FLT4: variants seen among roughly 807,000 people sequenced by gnomAD.
The protein encoded by FLT4 is vascular endothelial growth factor receptor 3.
In FLT4, 30 loss-of-function variants were observed where a neutral mutation model predicts 163.2. The observed-to-expected ratio is 0.18, with a 90% CI of 0.14 to 0.25. The LOEUF is 0.25. FLT4 is among the 10% of genes least tolerant of loss of function. FLT4 has a pLI of 1.00. For missense variants in FLT4, 1,510 were observed against 1,863.8 expected, an observed-to-expected ratio of 0.81 and a Z score of 3.50; for synonymous variants, 884 against 789.5, an observed-to-expected ratio of 1.12 and a Z score of -2.01.
intron 1 of FLT4, among the ~76,000 whole-genome samples, chr5:180,632,371 C>T (rs1385289151): frequency 6.6e-6 from 1 of 151,872 alleles, no homozygotes; most frequent in East Asian, 1.9e-4. Context: ...CAGCTTCTCG[C>T]ACCCTCACAG....
At chr5:180,609,866 TGAGCC>T in intron 28 of FLT4, 34 bp downstream of exon 28, 1 of 1,611,992 alleles carries the variant, frequency 6.2e-7, no homozygotes, top group Non-Finnish European at 8.5e-7. Flanking sequence ...GCCCCAGCCC[TGAGCC>T]GAGAGCGCAG....
At chr5:180,638,256 G>A (rs375750179) in intron 1 of FLT4, among the ~76,000 whole-genome samples, 2 of 152,120 alleles carry the variant, frequency 1.3e-5, no homozygotes, top group African/African-American at 4.8e-5. Context: ...CAGACAACCC[G>A]CAGTCTACGT....
chr5:180,647,453 G>A (rs186037925), intron 1 of FLT4, among the ~76,000 whole-genome samples: 79 of 152,222 alleles, frequency 5.2e-4, no homozygotes, highest in African/African-American at 1.8e-3. Context: ...AGGACTTTAC[G>A]GCAGAGGCAG....
chr5:180,606,884 C>T (rs1262222958), intron 29 of FLT4, among the ~76,000 whole-genome samples: 3 of 130,016 alleles, frequency 2.3e-5, no homozygotes, highest in South Asian at 2.8e-4. Context: ...GGCGAAACCC[C>T]GTCTCTACTA....
At position 180,601,898 on chromosome 5, in the gene FLT4, T is replaced by G. The variant is rs1349826238; in HGVS notation, c.*1294A>C. Reference sequence around the variant, plus strand: ...GCGCGGCGCCTGTCCTGCAAGCGTCTGGTGCGTGGGTTTGGGGGGTCAGGG... The same window carrying G: ...GCGCGGCGCCTGTCCTGCAAGCGTCGGGTGCGTGGGTTTGGGGGGTCAGGG... On this transcript the variant is annotated 3_prime_UTR_variant, in exon 30 of 30. Coordinates refer to ENST00000261937, the MANE Select transcript of FLT4 (RefSeq NM_182925.5). 1 of 233,350 alleles carries G rather than the reference T, an allele frequency of 4.3e-6. No homozygotes were observed. The highest frequency in any genetic ancestry group is 5.6e-5 in the Admixed American group (1 of 17,772). The allele number at this position is 233,350 out of a possible 1,614,324, so 14.5% of individuals were successfully genotyped here.
chr5:180,619,289 C>G lies in FLT4; in HGVS notation c.2725G>C (p.Val909Leu), dbSNP rs2127808333. ...GTGCACGCCCCGAGGAGGTTGACCA[C>G]GTTGAGGTGGTTGCCGATGTGAATG... ...ILIHIGNHLN[V>L]VNLLGACTKP... is the part of the protein sequence containing the mutation. The change falls in exon 19 of 30, where the codon GTG becomes CTG. Residue 909 changes from valine to leucine, a missense_variant. Transcript: ENST00000261937. The G allele has an allele frequency of 6.2e-7, 1 of 1,611,062 alleles. No individual in the cohort carries two copies. The highest frequency in any genetic ancestry group is 8.5e-7 in the Non-Finnish European group (1 of 1,179,388).
chr5:180,611,618 C>CT lies in FLT4; in HGVS notation c.3538-140_3538-139insA. ...CTCGCCCCCGCACTCAGCTCTCGCCCCCGCCCTCGCCCTGCCCTCAGCCCT... is the reference window on the plus strand; with the variant it reads ...CTCGCCCCCGCACTCAGCTCTCGCCCTCCGCCCTCGCCCTGCCCTCAGCCCT... On this transcript the variant is annotated intron_variant, in intron 26 of 29. Transcript: ENST00000261937. 3 of 884,960 alleles carry CT rather than the reference C, an allele frequency of 3.4e-6. No individual in the cohort carries two copies. In the African/African-American group the frequency reaches 4.9e-5, roughly 15 times the overall value. The allele number at this position is 884,960 out of a possible 1,614,324, so 54.8% of individuals were successfully genotyped here. A position where few individuals can be genotyped will look rare whatever the true frequency, so the allele number is the denominator to read the frequency against.
chr5:180,613,718 C>G (rs1185232706), intron 24 of FLT4: 7 of 405,870 alleles, frequency 1.7e-5, no homozygotes, highest in Non-Finnish European at 3.3e-5. Flanking sequence ...ATCATGCTCG[C>G]AGCGGGGCCT....
Position 180,616,377 on chromosome 5 carries a change from C to G in FLT4, c.3209G>C (p.Arg1070Pro), listed in dbSNP as rs771345898. Reference sequence around the variant, plus strand: ...ATGGCCTGCACTCACACTGCCCTTGCGGACGTAGTCGGGGTCTTTGTAGAT... The same window carrying G: ...ATGGCCTGCACTCACACTGCCCTTGGGGACGTAGTCGGGGTCTTTGTAGAT... ...RDIYKDPDYV[R>P]KGSARLPLKW... is the part of the protein sequence containing the mutation. The change falls in exon 23 of 30, where the codon CGC becomes CCC. Residue 1070 changes from arginine to proline, a missense_variant. Around this residue, in one of 5 missense-constraint regions of FLT4, gnomAD observed 878 missense variants for 1,016.7 expected, o/e 0.86. Transcript: ENST00000261937. The G allele has an allele frequency of 1.9e-6, 3 of 1,613,962 alleles. No individual in the cohort carries two copies. Among genetic ancestry groups the G allele is most frequent in the Non-Finnish European group, 1.7e-6 (2 of 1,179,988 alleles).
In FLT4 at chr5:180,649,540, C is replaced by T; in HGVS notation, c.6G>A (p.Gln2=). Reference sequence around the variant, plus strand: ...GTCGCAGGCACAGCGCGGCGCCCCGCTGCATCTCCGGCCGCTGCGCGTGGG... The same window carrying T: ...GTCGCAGGCACAGCGCGGCGCCCCGTTGCATCTCCGGCCGCTGCGCGTGGG... M[Q]RGAALCLRLW... is the part of the protein sequence containing the mutation. Residue 2 remains glutamine (Q), a synonymous_variant, in exon 1 of 30, where the codon CAG becomes CAA. Transcript: ENST00000261937. 1 of 1,437,088 alleles carries T rather than the reference C, an allele frequency of 7.0e-7. No homozygotes were observed. 89.0% of individuals were successfully genotyped at this position (1,437,088 alleles called of 1,614,324 possible).
At chr5:180,613,631 A>C (rs944685308) in intron 24 of FLT4, 4 of 312,828 alleles carry the variant, frequency 1.3e-5, no homozygotes, top group African/African-American at 2.1e-5. Context: ...TAGTTTCCGC[A>C]GTAGCGTGGA....
At position 180,611,393 on chromosome 5, in the gene FLT4, G is replaced by A. The variant is rs1762180133; in HGVS notation, c.3624C>T (p.His1208=). 1.9e-6 allele frequency: 3 copies of A among 1,613,978 alleles called. No individual in the cohort carries two copies. Among genetic ancestry groups the A allele is most frequent in the Non-Finnish European group, 2.5e-6 (3 of 1,180,030 alleles). Residue 1208 remains histidine, a synonymous_variant, in exon 27 of 30, where the codon CAC becomes CAT. Coordinates refer to ENST00000261937, the MANE Select transcript of FLT4 (RefSeq NM_182925.5). ...TGTCCTCAGCGTCAGCCTGGGCGAT[G>A]TGTAGGGCCATGGTGGACACCTGCG... is the stretch of plus-strand genomic sequence containing the variant. ...SFSQVSTMAL[H]IAQADAEDSP... is the part of the protein sequence containing the mutation.
chr5:180,609,938 G>T lies in FLT4; in HGVS notation c.3774C>A (p.Phe1258Leu). The change falls in exon 28 of 30, where the codon TTC (phenylalanine) becomes TTA (leucine). Residue 1258 changes from phenylalanine to leucine, a missense_variant. By Grantham distance (22) the Phe-to-Leu change is conservative (BLOSUM62 0). This residue lies in a region of FLT4 where 295 missense variants were observed against 311.0 expected (regional missense o/e 0.95). Transcript: ENST00000261937. Reference sequence around the variant, plus strand: ...CTTTGTAGGTCGTTGGGGTCATGGGGAATTCCTCAAATGTCTTCATCCTGG... The same window carrying T: ...CTTTGTAGGTCGTTGGGGTCATGGGTAATTCCTCAAATGTCTTCATCCTGG... ...GSSRMKTFEEFPMTPTTYKGS... is the reference protein window; with the variant it reads ...GSSRMKTFEELPMTPTTYKGS... 1 of 1,614,172 alleles carries T rather than the reference G, an allele frequency of 6.2e-7. No individual in the cohort carries two copies.
rs1043403383 is a variant in FLT4 at position 180,623,822 on chromosome 5, C to T, written c.1548+113G>A. ...AGACTGCAGGAAGGTCACCCGCTCTCGGCTGCTCTGCCCAGCACTCTGGAA... is the reference window on the plus strand; with the variant it reads ...AGACTGCAGGAAGGTCACCCGCTCTTGGCTGCTCTGCCCAGCACTCTGGAA... On this transcript the variant is annotated intron_variant, in intron 11 of 29. Transcript: ENST00000261937. This position sits in a 1 kb window ranked among gnomAD's most constrained non-coding sequence, Gnocchi z 5.8. The T allele has an allele frequency of 2.3e-5, 32 of 1,395,038 alleles. No homozygotes were observed. The highest frequency in any genetic ancestry group is 4.2e-5 in the African/African-American group (3 of 70,804). 86.4% of individuals were successfully genotyped at this position (1,395,038 alleles called of 1,614,324 possible).
intron 18 of FLT4, 137 bp downstream of exon 18, chr5:180,619,528 C>G: frequency 1.0e-6 from 1 of 984,370 alleles, no homozygotes. Context: ...CTCTGAAGCC[C>G]GCAGCCTCCC....
At chr5:180,622,668 A>C (rs1763246344) in intron 12 of FLT4, 63 bp downstream of exon 12, 3 of 1,002,336 alleles carry the variant, frequency 3.0e-6, no homozygotes, top group Non-Finnish European at 4.8e-6. Flanking sequence ...AAACTCAATG[A>C]GCCCAAACCT....
intron 1 of FLT4, among the ~76,000 whole-genome samples, chr5:180,642,316 C>T (rs988819808): frequency 5.3e-5 from 8 of 152,076 alleles, no homozygotes; most frequent in Non-Finnish European, 1.2e-4. Flanking sequence ...TCACTGTGAC[C>T]CTGTGTTGTC....
Position 180,633,080 on chromosome 5 carries a change from C to T in FLT4, c.59-1302G>A, listed in dbSNP as rs576154017. On this transcript the variant is annotated intron_variant, in intron 1 of 29. Transcript: ENST00000261937. ...CCCCAGGGTCCCGCCCTGAAGCTAA[C>T]GGGGGTGGGGTGGAGCCCAGGGAAT... Among the ~76,000 whole-genome samples, 352 of 152,158 alleles carry T rather than the reference C, an allele frequency of 2.3e-3. 3 individuals carry two copies. Among genetic ancestry groups the T allele is most frequent in the African/African-American group, 8.0e-3 (330 of 41,498 alleles).
intron 1 of FLT4, among the ~76,000 whole-genome samples, chr5:180,642,390 C>G (rs770673506): frequency 5.3e-4 from 80 of 152,026 alleles, no homozygotes; most frequent in Non-Finnish European, 1.9e-4. Flanking sequence ...GCATTGTAGA[C>G]TGATTAGGAG....
Sources: allele counts gnomAD v4.1 joint callset (sites outside exome capture counted in the v4.1 genomes callset), GRCh38; gene constraint gnomAD v4.1.1; regional missense constraint gnomAD v4.1.1; non-coding constraint Gnocchi (gnomAD v3.1); transcripts MANE v1.5; gene names NCBI Gene and HGNC (gene_info 2026-07-23, HGNC 2026-07-21).